MYT1L: variants seen among roughly 807,000 people sequenced by gnomAD.
MYT1L encodes the protein myelin transcription factor 1-like protein.
MYT1L carries 12 observed loss-of-function variants against 126.7 expected under a neutral mutation model. The ratio of observed to expected loss-of-function variants is 0.09; its 90% confidence interval spans 0.06 to 0.15. MYT1L has a LOEUF of 0.15. Among genes scored for constraint, MYT1L ranks in the 10% least tolerant of loss-of-function variants. The pLI is 1.00. For missense variants in MYT1L, 979 were observed against 1,585.2 expected (o/e 0.62, Z 6.49); for synonymous variants, 541 against 604.2 (o/e 0.90, Z 1.53).
At position 1,821,832 on chromosome 2, in the gene MYT1L, A is replaced by C. The variant is rs535786169; in HGVS notation, c.3081-12665T>G. ...GGGACCAAGGCCTTGGGGCCTGTCC[A>C]TCTCACTTGACGTTCCCATCTTCAG... is the stretch of plus-strand genomic sequence containing the variant. On this transcript the variant is annotated intron_variant, in intron 21 of 24. Coordinates refer to ENST00000647738, the MANE Select transcript of MYT1L (RefSeq NM_001303052.2). 2.0e-5 allele frequency among the ~76,000 whole-genome samples: 3 copies of C among 152,308 alleles called. 1 individual carries two copies. The highest frequency in any genetic ancestry group is 7.2e-5 in the African/African-American group (3 of 41,570).
Position 1,943,331 on chromosome 2 carries a change from T to C in MYT1L, c.156A>G (p.Val52=). The C allele has an allele frequency of 6.5e-7, 1 of 1,547,820 alleles. No homozygotes were observed. ...VSGKYARHRS[V]YGCPLAKKRK... The stretch of plus-strand genomic sequence containing the variant: ...TTTTTTTCGCCAAGGGACAACCATA[T>C]ACACTAATTAAAAAAATAGAGAAGG... The change falls in exon 9 of 25, where the codon GTA becomes GTG. Residue 52 remains valine (V), a synonymous_variant. Coordinates refer to ENST00000647738, the MANE Select transcript of MYT1L (RefSeq NM_001303052.2). The surrounding 1 kb of genome is among the most constrained non-coding windows in gnomAD (Gnocchi z 4.4).
rs1182692053 is a variant in MYT1L, at chr2:1,889,834, CTTAATT to C, written c.2284-363_2284-358del. Among the ~76,000 whole-genome samples, 9 of 151,982 alleles carry C rather than the reference CTTAATT, an allele frequency of 5.9e-5. No individual in the cohort carries two copies. Among genetic ancestry groups the C allele is most frequent in the South Asian group, 4.2e-4 (2 of 4,812 alleles). On this transcript the variant is annotated intron_variant, in intron 15 of 24. Transcript: ENST00000647738. The surrounding 1 kb of genome is among the most constrained non-coding windows in gnomAD (Gnocchi z 4.1). Reference sequence around the variant, plus strand: ...TTGTTCAGAAGAAAATTACAAAGTGCTTAATTTTAATTTTATTACCGTTGCAAATAC... The same window carrying C: ...TTGTTCAGAAGAAAATTACAAAGTGCTTAATTTTATTACCGTTGCAAATAC...
chr2:1,871,900 C>G (rs2046325229), intron 18 of MYT1L, among the ~76,000 whole-genome samples: 1 of 152,140 alleles, frequency 6.6e-6, no homozygotes, highest in Admixed American at 6.5e-5. Flanking sequence ...CAAGCTGAAG[C>G]TGCAACAGAG....
chr2:1,978,806 C>T (rs1028473472), intron 8 of MYT1L, among the ~76,000 whole-genome samples: 2 of 152,096 alleles, frequency 1.3e-5, no homozygotes, highest in Admixed American at 6.6e-5. Flanking sequence ...GTTTACCATC[C>T]TGCCACTCCC....
At chr2:1,974,897 C>T (rs563201993) in intron 8 of MYT1L, 132 of 152,292 alleles carry the variant, frequency 8.7e-4, no homozygotes, top group Non-Finnish European at 1.7e-3. Context: ...TGTAGTTGTA[C>T]ATAGGCTTAT....
At chr2:2,011,465 T>C (rs1333577728) in intron 4 of MYT1L, among the ~76,000 whole-genome samples, 1 of 150,562 alleles carries the variant, frequency 6.6e-6, no homozygotes, top group Non-Finnish European at 1.5e-5. Context: ...CTCTCAGATT[T>C]GGCAACATAT....
intron 5 of MYT1L, among the ~76,000 whole-genome samples, chr2:1,990,335 GGTGAGGGCTTTTTCAATTCA>G (rs2061363798): frequency 6.6e-6 from 1 of 152,208 alleles, no homozygotes; most frequent in African/African-American, 2.4e-5. Context: ...ACTTCCTGAG[GGTGAGGGCTTTTTCAATTCA>G]TTCTTGAATT....
At position 1,791,848 on chromosome 2, in the gene MYT1L, T is replaced by C; in HGVS notation, c.*19A>G. On this transcript the variant is annotated 3_prime_UTR_variant, in exon 25 of 25. Transcript: ENST00000647738. This position sits in a 1 kb window ranked among gnomAD's most constrained non-coding sequence, Gnocchi z 6.0. Reference sequence around the variant, plus strand: ...GAGGCATCCTTTTTAAGCAAGAGTTTCATCACTACAGCAGCTGTTCAGACC... The same window carrying C: ...GAGGCATCCTTTTTAAGCAAGAGTTCCATCACTACAGCAGCTGTTCAGACC... 1 of 1,536,506 alleles carries C rather than the reference T, an allele frequency of 6.5e-7. No individual in the cohort carries two copies. The highest frequency in any genetic ancestry group is 1.3e-5 in the South Asian group (1 of 77,952).
At chr2:1,837,030 GA>G (rs1422836412) in intron 21 of MYT1L, among the ~76,000 whole-genome samples, 2 of 152,234 alleles carry the variant, frequency 1.3e-5, no homozygotes, top group African/African-American at 4.8e-5. Context: ...TGGCATTTGG[GA>G]AGGGGCGTCA....
At chr2:2,101,292 T>G (rs915760166) in intron 3 of MYT1L, among the ~76,000 whole-genome samples, 1 of 152,170 alleles carries the variant, frequency 6.6e-6, no homozygotes, top group African/African-American at 2.4e-5. Context: ...CATGAAACCT[T>G]CAGCATCATG....
chr2:1,909,732 C>T (rs1368201704), intron 13 of MYT1L, among the ~76,000 whole-genome samples: 1 of 152,184 alleles, frequency 6.6e-6, no homozygotes, highest in Admixed American at 6.5e-5. Flanking sequence ...ACAACACCTA[C>T]TCCCACCTAC....
At chr2:2,122,760 C>G (rs1446592897) in intron 3 of MYT1L, among the ~76,000 whole-genome samples, 2 of 151,834 alleles carry the variant, frequency 1.3e-5, no homozygotes, top group Non-Finnish European at 2.9e-5. Flanking sequence ...CCTTCCGCAT[C>G]AGTGGAGGGT....
chr2:1,954,610 GT>G (rs1262163272), intron 8 of MYT1L, among the ~76,000 whole-genome samples: 2 of 152,138 alleles, frequency 1.3e-5, no homozygotes, highest in Non-Finnish European at 2.9e-5. Context: ...TCAGCAGCAA[GT>G]GGCTGTTCCA....
intron 3 of MYT1L, among the ~76,000 whole-genome samples, chr2:2,073,943 C>A (rs1339579298): frequency 6.6e-6 from 1 of 152,192 alleles, no homozygotes; most frequent in Non-Finnish European, 1.5e-5. Context: ...TTACTGTACA[C>A]CTGCCTTCTG....
intron 16 of MYT1L, among the ~76,000 whole-genome samples, chr2:1,888,249 A>T (rs935213913): frequency 3.3e-5 from 5 of 152,154 alleles, no homozygotes; most frequent in Non-Finnish European, 7.4e-5. Flanking sequence ...TCATTTTAGG[A>T]GGGCTTACTT....
At chr2:2,087,568 G>A (rs991200688) in intron 3 of MYT1L, among the ~76,000 whole-genome samples, 1 of 152,182 alleles carries the variant, frequency 6.6e-6, no homozygotes, top group African/African-American at 2.4e-5. Context: ...TACAGCTTCG[G>A]CAAGGTTGGC....
intron 14 of MYT1L, 87 bp from the exon 15 acceptor site, chr2:1,892,374 T>C: frequency 1.3e-6 from 2 of 1,484,150 alleles, no homozygotes; most frequent in South Asian, 1.4e-5. Context: ...CGCCCCGGCC[T>C]CAGCCACACA....
intron 3 of MYT1L, among the ~76,000 whole-genome samples, chr2:2,081,111 T>A (rs745461791): frequency 1.3e-5 from 2 of 152,146 alleles, no homozygotes; most frequent in Non-Finnish European, 2.9e-5. Flanking sequence ...TCAGAGGATA[T>A]ACCAAAAATC....
chr2:2,085,699 G>A lies in MYT1L; in HGVS notation c.-303-31576C>T, dbSNP rs374672654. ...AACATAATGAGCACTCAATAATGTT[G>A]GCAAAATTGAATTTGATCCACACAG... On this transcript the variant is annotated intron_variant, in intron 3 of 24. Transcript: ENST00000647738. Among the ~76,000 whole-genome samples, 24 of 152,080 alleles carry A rather than the reference G, an allele frequency of 1.6e-4. No individual in the cohort carries two copies. In the South Asian group the frequency reaches 2.9e-3, roughly 18 times the overall value.
Sources: allele counts gnomAD v4.1 joint callset (sites outside exome capture counted in the v4.1 genomes callset), GRCh38; gene constraint gnomAD v4.1.1; non-coding constraint Gnocchi (gnomAD v3.1); transcripts MANE v1.5; gene names NCBI Gene and HGNC (gene_info 2026-07-23, HGNC 2026-07-21).